GRAMD1B: variants seen among roughly 807,000 people sequenced by gnomAD.
GRAMD1B encodes the protein protein Aster-B.
Under a neutral mutation model 99.7 loss-of-function variants are expected in GRAMD1B, and 37 were observed. The observed-to-expected ratio is 0.37, with a 90% CI of 0.29 to 0.49. The LOEUF (loss-of-function observed/expected upper bound fraction) is 0.49. GRAMD1B is among the 20% of genes least tolerant of loss of function. The pLI, the probability that GRAMD1B is intolerant of heterozygous loss-of-function variation, is 0.98. For synonymous variants in GRAMD1B, 427 were observed against 387.6 expected (o/e 1.10, Z -1.19); for missense variants, 888 against 1,009.2 (o/e 0.88, Z 1.63).
chr11:123,460,406 C>T (rs539002555), intron 1 of GRAMD1B: 1 of 152,208 alleles, frequency 6.6e-6, no homozygotes, highest in Non-Finnish European at 1.5e-5. Flanking sequence ...TGTCCAAGTT[C>T]AGTGGGTTCC....
At chr11:123,367,478 C>T (rs1946357920) in intron 1 of GRAMD1B, among the ~76,000 whole-genome samples, 1 of 152,106 alleles carries the variant, frequency 6.6e-6, no homozygotes, top group Admixed American at 6.6e-5. Context: ...TAGGCGTGAT[C>T]CAGACGGAGA....
rs549303351 is a variant in GRAMD1B, at chr11:123,547,643, C to G, written c.453-29724C>G. Among the ~76,000 whole-genome samples, 71 of 152,346 alleles carry G rather than the reference C, an allele frequency of 4.7e-4. 2 individuals carry two copies. Among genetic ancestry groups the G allele is most frequent in the Admixed American group, 4.6e-3 (70 of 15,302 alleles). ...TTCCTCCTCTGAGATACTCAAAATCCTGTTTACCTTAAGGCATCTCTCCTT... is the reference window on the plus strand; with the variant it reads ...TTCCTCCTCTGAGATACTCAAAATCGTGTTTACCTTAAGGCATCTCTCCTT... On this transcript the variant is annotated intron_variant, in intron 2 of 19. Transcript: ENST00000635736.
Position 123,620,472 on chromosome 11 carries a change from CAAAAAAAAAAA to C in GRAMD1B, c.2544+1262_2544+1272del, listed in dbSNP as rs55787871. Among the ~76,000 whole-genome samples, 369 of 69,246 alleles carry C rather than the reference CAAAAAAAAAAA, an allele frequency of 5.3e-3. 2 individuals carry two copies. The highest frequency in any genetic ancestry group is 0.013 in the Middle Eastern group (1 of 76). The allele number at this position is 69,246 out of a possible 152,430, so 45.4% of individuals were successfully genotyped here. ...CTGGCAACAGAGTGAGACTTCATCTCAAAAAAAAAAAAAAAAAAAAAAAAGGGAAAAGAATC... is the reference window on the plus strand; with the variant it reads ...CTGGCAACAGAGTGAGACTTCATCTCAAAAAAAAAAAAAGGGAAAAGAATC... On this transcript the variant is annotated intron_variant, in intron 19 of 19. Coordinates refer to ENST00000635736, the MANE Select transcript of GRAMD1B (RefSeq NM_001387025.1).
intron 1 of GRAMD1B, among the ~76,000 whole-genome samples, chr11:123,369,582 TA>T (rs1946450332): frequency 6.6e-6 from 1 of 151,878 alleles, no homozygotes; most frequent in African/African-American, 2.4e-5. Context: ...TAAAACCCTA[TA>T]AAGTGTGGCC....
At chr11:123,407,028 A>G (rs1200758989) in intron 1 of GRAMD1B, among the ~76,000 whole-genome samples, 2 of 152,258 alleles carry the variant, frequency 1.3e-5, no homozygotes, top group East Asian at 3.8e-4. Flanking sequence ...CCACATGTTT[A>G]AAATGAAACA....
At chr11:123,462,213 C>T (rs1365187156) in intron 1 of GRAMD1B, among the ~76,000 whole-genome samples, 3 of 151,916 alleles carry the variant, frequency 2.0e-5, no homozygotes, top group South Asian at 2.1e-4. Flanking sequence ...GTGATCTGCC[C>T]GCCTTGGCCT....
At chr11:123,608,915 C>T (rs1339577667) in intron 12 of GRAMD1B, 113 bp downstream of exon 12, 2 of 767,994 alleles carry the variant, frequency 2.6e-6, no homozygotes, top group South Asian at 3.7e-5. Context: ...CCCTCCTTCC[C>T]TCGGCCACCT....
chr11:123,408,454 A>C (rs1407295583), intron 1 of GRAMD1B, among the ~76,000 whole-genome samples: 7 of 152,274 alleles, frequency 4.6e-5, no homozygotes, highest in African/African-American at 7.2e-5. Context: ...GGAACGCAGA[A>C]GTCACTAATT....
intron 1 of GRAMD1B, among the ~76,000 whole-genome samples, chr11:123,388,989 T>C (rs1468139886): frequency 6.6e-6 from 1 of 152,174 alleles, no homozygotes; most frequent in Non-Finnish European, 1.5e-5. Context: ...GATATTATAA[T>C]AGTACATACT....
intron 1 of GRAMD1B, among the ~76,000 whole-genome samples, chr11:123,418,019 CCTCCCGAAGTG>C (rs1948291950): frequency 6.6e-6 from 1 of 152,118 alleles, no homozygotes; most frequent in Admixed American, 6.5e-5. Flanking sequence ...CCCACCTTGG[CCTCCCGAAGTG>C]CTGGGATTAT....
intron 1 of GRAMD1B, among the ~76,000 whole-genome samples, chr11:123,445,390 G>A (rs1038191542): frequency 3.3e-5 from 5 of 152,158 alleles, no homozygotes; most frequent in African/African-American, 7.2e-5. Flanking sequence ...AATGGCAACC[G>A]TAAAGGTCAT....
At chr11:123,596,092 G>A (rs2136603580) in intron 7 of GRAMD1B, 55 bp downstream of exon 7, 1 of 939,622 alleles carries the variant, frequency 1.1e-6, no homozygotes, top group East Asian at 2.6e-5. Context: ...TCCTACTCTT[G>A]TATTTCTGCC....
At chr11:123,463,564 C>T (rs975905816) in intron 1 of GRAMD1B, among the ~76,000 whole-genome samples, 2 of 152,196 alleles carry the variant, frequency 1.3e-5, no homozygotes, top group Admixed American at 1.3e-4. Context: ...CTCCACCACA[C>T]GGGCAGAGCT....
chr11:123,373,398 C>T (rs541737459), intron 1 of GRAMD1B, among the ~76,000 whole-genome samples: 2 of 152,252 alleles, frequency 1.3e-5, no homozygotes, highest in African/African-American at 4.8e-5. Flanking sequence ...GTGATCTGCC[C>T]AGAAGAGGAG....
At chr11:123,558,344 G>A (rs1258921499) in intron 2 of GRAMD1B, among the ~76,000 whole-genome samples, 2 of 152,068 alleles carry the variant, frequency 1.3e-5, no homozygotes, top group Non-Finnish European at 1.5e-5. Context: ...GGACATGAAA[G>A]AAAAAATAGC....
At chr11:123,444,164 A>G (rs537894881) in intron 1 of GRAMD1B, among the ~76,000 whole-genome samples, 2 of 152,336 alleles carry the variant, frequency 1.3e-5, no homozygotes, top group East Asian at 1.9e-4. Context: ...TTCTTTACAG[A>G]TGCAAATTTT....
At chr11:123,609,738 A>G (rs1953278928) in intron 12 of GRAMD1B, 57 bp from the exon 13 acceptor site, 3 of 1,026,608 alleles carry the variant, frequency 2.9e-6, no homozygotes, top group Non-Finnish European at 4.5e-6. Context: ...GGAAACTTGG[A>G]TTGGGGAGAG....
intron 19 of GRAMD1B, 83 bp from the exon 20 acceptor site, chr11:123,622,423 C>A (rs547954569): frequency 2.4e-6 from 2 of 821,588 alleles, no homozygotes; most frequent in South Asian, 1.4e-5. Context: ...CTGCCCTAGG[C>A]GGGTGTGGGG....
rs911939266 is a variant in GRAMD1B, at chr11:123,587,366, C to T, written c.684+3034C>T. Among the ~76,000 whole-genome samples the T allele has an allele frequency of 6.6e-6, 1 of 152,202 alleles. No homozygotes were observed. The highest frequency in any genetic ancestry group is 2.4e-5 in the African/African-American group (1 of 41,462). Reference sequence around the variant, plus strand: ...GTACTCCTCCTTACCCCCGAAGCCCCAGTCTACCACCCCAGTCATATTCAT... The same window carrying T: ...GTACTCCTCCTTACCCCCGAAGCCCTAGTCTACCACCCCAGTCATATTCAT... On this transcript the variant is annotated intron_variant, in intron 4 of 19. Coordinates refer to ENST00000635736, the MANE Select transcript of GRAMD1B (RefSeq NM_001387025.1). The surrounding 1 kb of genome is among the most constrained non-coding windows in gnomAD (Gnocchi z 4.2).
Sources: allele counts gnomAD v4.1 joint callset (sites outside exome capture counted in the v4.1 genomes callset), GRCh38; gene constraint gnomAD v4.1.1; non-coding constraint Gnocchi (gnomAD v3.1); transcripts MANE v1.5; gene names NCBI Gene and HGNC (gene_info 2026-07-23, HGNC 2026-07-21).